SUN3: variants seen among roughly 807,000 people sequenced by gnomAD.
The protein encoded by SUN3 is Sad1 and UNC84 domain containing 3.
A neutral mutation model predicts 48.2 loss-of-function variants in SUN3; 36 were observed. The ratio of observed to expected loss-of-function variants is 0.75; its 90% CI spans 0.57 to 0.99. The LOEUF is 0.99. Among genes scored for constraint, SUN3 ranks in the 50% least tolerant of loss-of-function variants. SUN3 has a pLI of 0.00. For synonymous variants in SUN3, 148 were observed against 147.9 expected, an observed-to-expected ratio of 1.00 and a Z score of 0.00; for missense variants, 419 against 433.1, an observed-to-expected ratio of 0.97 and a Z score of 0.29.
chr7:47,993,379 T>C (rs1789118999), intron 8 of SUN3, among the ~76,000 whole-genome samples: 1 of 152,080 alleles, frequency 6.6e-6, no homozygotes, highest in African/African-American at 2.4e-5. Flanking sequence ...GCATTATACA[T>C]AATGACCAAA....
chr7:48,014,152 G>A (rs997312641), intron 3 of SUN3, among the ~76,000 whole-genome samples: 1 of 152,036 alleles, frequency 6.6e-6, no homozygotes, highest in African/African-American at 2.4e-5. Context: ...GTTCAGGCTG[G>A]TCTTGAACTC....
At chr7:47,991,071 CAAAT>C (rs1270304664) in intron 8 of SUN3, 5 of 454,788 alleles carry the variant, frequency 1.1e-5, no homozygotes, top group African/African-American at 6.0e-5. Context: ...AAATAAAAAA[CAAAT>C]AAACAACAAA....
At chr7:48,019,816 G>T (rs532224601) in intron 2 of SUN3, among the ~76,000 whole-genome samples, 1 of 151,440 alleles carries the variant, frequency 6.6e-6, no homozygotes, top group Non-Finnish European at 1.5e-5. Context: ...AGAACAGCCC[G>T]GGACCCCATG....
In SUN3 at chr7:48,007,678, G is replaced by A. The variant is rs111679581; in HGVS notation, c.330-351C>T. 3.0e-3 allele frequency among the ~76,000 whole-genome samples: 457 copies of A among 152,292 alleles called. 7 individuals are homozygous for A. The highest frequency in any genetic ancestry group is 0.01 in the African/African-American group (423 of 41,560). On this transcript the variant is annotated intron_variant, in intron 4 of 9. Coordinates refer to ENST00000297325, the MANE Select transcript of SUN3 (RefSeq NM_001030019.2). ...CCAATTGGGAACACCTTGCATTTCC[G>A]GTGTAGTACAGAGCAGTGGCTTTCG...
At chr7:48,028,009 C>T (rs1262342987) in intron 1 of SUN3, among the ~76,000 whole-genome samples, 1 of 152,146 alleles carries the variant, frequency 6.6e-6, no homozygotes, top group African/African-American at 2.4e-5. Context: ...AAACTGGCTG[C>T]CAGGCTCTGC....
chr7:48,035,520 G>T, the SUN3 span: 1 of 697,772 alleles, frequency 1.4e-6, no homozygotes, highest in Non-Finnish European at 2.6e-6. The surrounding 1 kb of genome is among the most constrained non-coding windows in gnomAD (Gnocchi z 4.0). Flanking sequence ...CGATGTTGTG[G>T]TTCCGCGGCG....
At chr7:48,016,165 C>T (rs1473133207) in intron 3 of SUN3, among the ~76,000 whole-genome samples, 1 of 152,080 alleles carries the variant, frequency 6.6e-6, no homozygotes, top group East Asian at 1.9e-4. Flanking sequence ...TCTGCCAGCC[C>T]ACCCAGGAAC....
intron 6 of SUN3, among the ~76,000 whole-genome samples, chr7:48,001,531 GTT>G (rs1166666161): frequency 0.051 from 5,590 of 109,524 alleles, 198 homozygotes; most frequent in African/African-American, 0.2. Flanking sequence ...TGTTTTTTTT[GTT>G]TTTTTTTTTT....
chr7:47,995,960 T>C (rs1370103354), intron 7 of SUN3, 71 bp downstream of exon 7: 4 of 980,520 alleles, frequency 4.1e-6, no homozygotes, highest in African/African-American at 3.4e-5. Context: ...TTTTTAAAAT[T>C]AACATTTTCA....
At chr7:48,016,846 C>G (rs1420939926) in intron 3 of SUN3, among the ~76,000 whole-genome samples, 1 of 152,116 alleles carries the variant, frequency 6.6e-6, no homozygotes, top group African/African-American at 2.4e-5. Flanking sequence ...GCTTGGAAAT[C>G]TGAGAGCATG....
chr7:48,035,336 C>G, the SUN3 span, among the ~76,000 whole-genome samples: 100 of 151,944 alleles, frequency 6.6e-4, no homozygotes, highest in African/African-American at 2.2e-3. This position sits in a 1 kb window ranked among gnomAD's most constrained non-coding sequence, Gnocchi z 4.0. Context: ...CCCGTGGCAT[C>G]GCTGCGCTGC....
chr7:47,995,699 G>C (rs1256589472), intron 7 of SUN3, among the ~76,000 whole-genome samples: 1 of 152,188 alleles, frequency 6.6e-6, no homozygotes, highest in Non-Finnish European at 1.5e-5. Context: ...AATGTTTGTT[G>C]AATGACTGAA....
chr7:47,990,493 C>G (rs1209197119), intron 8 of SUN3, among the ~76,000 whole-genome samples: 2 of 152,020 alleles, frequency 1.3e-5, no homozygotes, highest in Admixed American at 1.3e-4. Flanking sequence ...CTGGTGCCGG[C>G]GCGGGTCCTC....
intron 3 of SUN3, 40 bp from the exon 4 acceptor site, chr7:48,009,115 C>G: frequency 6.3e-7 from 1 of 1,580,948 alleles, no homozygotes; most frequent in Non-Finnish European, 8.6e-7. Flanking sequence ...CTGAATTCTG[C>G]TTATTCAAAT....
intron 2 of SUN3, chr7:48,018,698 A>T (rs1399743141): frequency 6.5e-6 from 1 of 153,064 alleles, no homozygotes; most frequent in African/African-American, 2.4e-5. Flanking sequence ...CAGCAGGCAA[A>T]CCCTGGGGAA....
At chr7:47,989,465 T>G (rs1788991818) in intron 8 of SUN3, among the ~76,000 whole-genome samples, 1 of 152,218 alleles carries the variant, frequency 6.6e-6, no homozygotes, top group Non-Finnish European at 1.5e-5. Context: ...CCCTTCAAAT[T>G]GAAGATTTGT....
intron 1 of SUN3, among the ~76,000 whole-genome samples, chr7:48,026,219 T>C (rs1281128852): frequency 6.6e-6 from 1 of 152,130 alleles, no homozygotes; most frequent in Non-Finnish European, 1.5e-5. Context: ...ATATGTCTAT[T>C]TATATTCTTA....
At position 48,000,300 on chromosome 7, in the gene SUN3, G is replaced by C. The variant is rs201453823; in HGVS notation, c.578-4154C>G. On this transcript the variant is annotated intron_variant, in intron 6 of 9. Coordinates refer to ENST00000297325, the MANE Select transcript of SUN3 (RefSeq NM_001030019.2). ...TTACAGGCATGCGCCACCACGCCCC[G>C]CTAATGTTTCTATTTTTAGTAGAGA... is the stretch of plus-strand genomic sequence containing the variant. 3.3e-4 allele frequency: 50 copies of C among 152,242 alleles called. No homozygotes were observed. The East Asian group carries it at 9.3e-3, about 28-fold the overall frequency. The allele number at this position is 152,242 out of a possible 1,614,324, so 9.4% of individuals were successfully genotyped here. A position where few individuals can be genotyped will look rare whatever the true frequency, so the allele number is the denominator to read the frequency against.
chr7:48,006,112 G>T, intron 5 of SUN3, 59 bp from the exon 6 acceptor site: 2 of 1,245,482 alleles, frequency 1.6e-6, no homozygotes, highest in South Asian at 1.3e-5. Flanking sequence ...CTTGAGTTTT[G>T]ACCATTCATT....
Sources: gnomAD v4.1 joint callset for allele counts (sites outside exome capture counted in the v4.1 genomes callset) on GRCh38, gnomAD v4.1.1 for gene constraint, Gnocchi (gnomAD v3.1) non-coding constraint, MANE v1.5 for transcripts, NCBI Gene and HGNC (gene_info 2026-07-23, HGNC 2026-07-21) for gene names.